Variants in SYNPO2 observed in about 807,000 individuals in gnomAD.
SYNPO2 encodes synaptopodin 2.
A neutral mutation model predicts 85.0 loss-of-function variants in SYNPO2; 56 were observed. That is an observed-to-expected ratio of 0.66 (90% CI 0.53 to 0.82). SYNPO2 has a LOEUF of 0.82. Ranked by LOEUF, SYNPO2 falls within the 40% of genes least tolerant of loss-of-function variation. SYNPO2 has a pLI of 0.00. For synonymous variants in SYNPO2, 602 were observed against 591.1 expected (o/e 1.02, Z -0.27); for missense variants, 1,575 against 1,534.2 (o/e 1.03, Z -0.44).
intron 1 of SYNPO2, among the ~76,000 whole-genome samples, chr4:118,896,959 TAA>T (rs58815664): frequency 2.5e-4 from 37 of 147,892 alleles, no homozygotes; most frequent in Middle Eastern, 3.5e-3. Context: ...GCTGGATTGA[TAA>T]AAAAAAAAAA....
intron 1 of SYNPO2, among the ~76,000 whole-genome samples, chr4:118,991,793 G>A (rs545971827): frequency 6.6e-6 from 1 of 152,142 alleles, no homozygotes; most frequent in Admixed American, 6.5e-5. Flanking sequence ...AAGAATCAAT[G>A]GGTAAGAAAC....
chr4:119,007,233 T>TATATATATAC (rs1737077469), intron 1 of SYNPO2, among the ~76,000 whole-genome samples: 3 of 42,090 alleles, frequency 7.1e-5, no homozygotes, highest in African/African-American at 3.0e-4. Context: ...TATATATATA[T>TATATATATAC]ATATATATAT....
chr4:119,023,434 G>A lies in SYNPO2; in HGVS notation c.110G>A (p.Arg37Gln), dbSNP rs144242052. ...QKQPLQVAKI[R>Q]NQSKASGSGL... Reference sequence around the variant, plus strand: ...TTCTTTTTTTACTCCACTCAGATTCGAAATCAGAGCAAAGCCTCTGGGTCT... The same window carrying A: ...TTCTTTTTTTACTCCACTCAGATTCAAAATCAGAGCAAAGCCTCTGGGTCT... The change falls in exon 2 of 5, where the codon CGA becomes CAA. Residue 37 changes from arginine (R) to glutamine (Q), a missense_variant. Physicochemically the swap from Arg to Gln is conservative, Grantham distance 43. Transcript: ENST00000307142. The A allele has an allele frequency of 2.9e-4, 473 of 1,605,172 alleles. 1 individual carries two copies. In the South Asian group the frequency reaches 4.8e-3, roughly 16 times the overall value.
intron 1 of SYNPO2, among the ~76,000 whole-genome samples, chr4:119,015,340 C>A (rs1737486953): frequency 6.6e-6 from 1 of 152,122 alleles, no homozygotes. Context: ...GAAAAATTTT[C>A]ATTTTACATA....
At chr4:118,924,054 G>C (rs1733632361) in intron 1 of SYNPO2, among the ~76,000 whole-genome samples, 1 of 151,676 alleles carries the variant, frequency 6.6e-6, no homozygotes, top group South Asian at 2.1e-4. Context: ...GAGCTGTCTA[G>C]ATACATCAGA....
chr4:118,943,066 C>A (rs1306455907), intron 1 of SYNPO2, among the ~76,000 whole-genome samples: 1 of 151,114 alleles, frequency 6.6e-6, no homozygotes, highest in African/African-American at 2.4e-5. Context: ...AAGATCATGC[C>A]ACTGCACTCC....
chr4:118,987,177 A>G (rs1279527694), intron 1 of SYNPO2, among the ~76,000 whole-genome samples: 1 of 152,234 alleles, frequency 6.6e-6, no homozygotes, highest in Non-Finnish European at 1.5e-5. Context: ...ACAAGTTAAT[A>G]AAGGTAGAAT....
chr4:119,044,229 A>G (rs1014540196), intron 4 of SYNPO2, among the ~76,000 whole-genome samples: 1 of 152,242 alleles, frequency 6.6e-6, no homozygotes, highest in Non-Finnish European at 1.5e-5. Context: ...TGAAAAGCAC[A>G]TGATCGTGAC....
chr4:119,032,929 T>TTTCCC, intron 4 of SYNPO2: 2 of 905,316 alleles, frequency 2.2e-6, no homozygotes, highest in Non-Finnish European at 2.6e-6. Flanking sequence ...AAAGGTTGAT[T>TTTCCC]CCCACCCTCC....
intron 1 of SYNPO2, among the ~76,000 whole-genome samples, chr4:118,983,673 A>G (rs927116592): frequency 6.6e-6 from 1 of 152,186 alleles, no homozygotes; most frequent in Non-Finnish European, 1.5e-5. Context: ...AGAATTTTTC[A>G]GTACTCAGCC....
chr4:119,050,030 T>TA (rs1738986962), intron 4 of SYNPO2, among the ~76,000 whole-genome samples: 26 of 151,876 alleles, frequency 1.7e-4, no homozygotes, highest in Admixed American at 2.6e-4. Flanking sequence ...AATCTTTTTT[T>TA]TAAAAAAAAG....
At chr4:118,974,110 C>T (rs527505065) in intron 1 of SYNPO2, among the ~76,000 whole-genome samples, 11 of 152,096 alleles carry the variant, frequency 7.2e-5, no homozygotes, top group African/African-American at 2.4e-4. Context: ...TAAACCTGGA[C>T]AATAATTATG....
At chr4:118,853,121 C>T (rs1036911890) in intron 1 of SYNPO2, among the ~76,000 whole-genome samples, 1 of 152,118 alleles carries the variant, frequency 6.6e-6, no homozygotes, top group African/African-American at 2.4e-5. Context: ...CGTTAATTTT[C>T]AAGAAAATGT....
chr4:118,889,048 G>A lies in SYNPO2; in HGVS notation c.12G>A (p.Gly4=), dbSNP rs767388918. Residue 4 remains glycine, a synonymous_variant, in exon 1 of 5, where the codon GGG becomes GGA. Transcript: ENST00000307142. MGT[G]DFICISMTGG... is the part of the protein sequence containing the mutation. ...ACTAAAAGGAAAACATGGGCACAGGGGATTTTATCTGCATTTCCATGACTG... is the reference window on the plus strand; with the variant it reads ...ACTAAAAGGAAAACATGGGCACAGGAGATTTTATCTGCATTTCCATGACTG... The A allele has an allele frequency of 3.7e-6, 6 of 1,614,032 alleles. No individual in the cohort carries two copies. In the African/African-American group the frequency reaches 8.0e-5, roughly 22 times the overall value.
At chr4:118,876,634 T>TCTTC (rs1328587337) in intron 1 of SYNPO2, among the ~76,000 whole-genome samples, 8 of 150,828 alleles carry the variant, frequency 5.3e-5, no homozygotes, top group Non-Finnish European at 1.0e-4. Flanking sequence ...CTCTTTTCTT[T>TCTTC]CTTCCTTCCT....
chr4:119,054,252 C>T (rs1449368258), intron 4 of SYNPO2, among the ~76,000 whole-genome samples: 1 of 152,214 alleles, frequency 6.6e-6, no homozygotes, highest in Non-Finnish European at 1.5e-5. Flanking sequence ...TTACAGTGCT[C>T]TCTTAGTTCT....
At chr4:118,900,697 CTCTCTCTATATATATATATA>C (rs1469946127) in intron 1 of SYNPO2, among the ~76,000 whole-genome samples, 33 of 37,170 alleles carry the variant, frequency 8.9e-4, no homozygotes, top group South Asian at 5.8e-3. Context: ...CTCTCTCTCT[CTCTCTCTATATATATATATA>C]TATATATATA....
At chr4:118,862,328 G>A (rs1023493941) in intron 1 of SYNPO2, among the ~76,000 whole-genome samples, 13 of 151,928 alleles carry the variant, frequency 8.6e-5, no homozygotes, top group Non-Finnish European at 1.3e-4. Flanking sequence ...TATTTCTCTT[G>A]TCTGATTGCT....
intron 4 of SYNPO2, chr4:119,032,929 T>TTGGCC: frequency 8.7e-5 from 79 of 905,082 alleles, no homozygotes; most frequent in Middle Eastern, 5.6e-4. Context: ...AAAGGTTGAT[T>TTGGCC]CCCACCCTCC....
Sources: allele counts gnomAD v4.1 joint callset (sites outside exome capture counted in the v4.1 genomes callset), GRCh38; gene constraint gnomAD v4.1.1; transcripts MANE v1.5; gene names NCBI Gene and HGNC (gene_info 2026-07-23, HGNC 2026-07-21).